The following MTDH variants were observed in gnomAD, a reference collection of about 807,000 sequenced individuals.
MTDH encodes the protein metadherin, also known as protein LYRIC.
MTDH carries 34 observed loss-of-function variants against 72.7 expected under a neutral mutation model. The ratio of observed to expected loss-of-function variants is 0.47; its 90% confidence interval spans 0.36 to 0.62. The LOEUF is 0.62. Among genes scored for constraint, MTDH ranks in the 20% least tolerant of loss-of-function variants. The probability of loss-of-function intolerance (pLI) is 0.00; values close to 1 mark genes in which losing one functional copy is unlikely to be tolerated. For synonymous variants in MTDH, 266 were observed against 268.9 expected (o/e 0.99, Z 0.10); for missense variants, 677 against 699.4 (o/e 0.97, Z 0.36).
chr8:97,644,240 G>A lies in MTDH; in HGVS notation c.-267G>A. The A allele has an allele frequency of 2.1e-6, 1 of 487,770 alleles. No homozygotes were observed. Among genetic ancestry groups the A allele is most frequent in the Non-Finnish European group, 3.6e-6 (1 of 280,960 alleles). 30.2% of individuals were successfully genotyped at this position (487,770 alleles called of 1,614,324 possible). ...CGGGGCCTGGCGCTGGCGCCGAGAC[G>A]CCGCTTAGCGGCCGCCACTGGAGAC... is the stretch of plus-strand genomic sequence containing the variant. On this transcript the variant is annotated 5_prime_UTR_variant, in exon 1 of 12. Transcript: ENST00000336273.
chr8:97,702,971 G>C (rs932028657), intron 7 of MTDH, among the ~76,000 whole-genome samples: 1 of 152,210 alleles, frequency 6.6e-6, no homozygotes, highest in Admixed American at 6.5e-5. Flanking sequence ...GAAAACTTTA[G>C]CGATAAGAAA....
At chr8:97,724,189 T>G (rs1237603006) in intron 11 of MTDH, among the ~76,000 whole-genome samples, 1 of 152,232 alleles carries the variant, frequency 6.6e-6, no homozygotes, top group Non-Finnish European at 1.5e-5. Flanking sequence ...CATGCCTGCC[T>G]GCTTGTCTAT....
chr8:97,678,799 A>ATGGTTGTC (rs1353523439), intron 2 of MTDH, among the ~76,000 whole-genome samples: 2 of 151,938 alleles, frequency 1.3e-5, no homozygotes, highest in Admixed American at 6.6e-5. Context: ...ATAAAGATAA[A>ATGGTTGTC]TGGTTGTCTG....
chr8:97,677,964 A>G (rs1025803163), intron 2 of MTDH, among the ~76,000 whole-genome samples: 1 of 152,228 alleles, frequency 6.6e-6, no homozygotes, highest in Non-Finnish European at 1.5e-5. Context: ...AAAAAACAAT[A>G]TTACAGCCAA....
At chr8:97,679,978 T>C (rs552988317) in intron 2 of MTDH, among the ~76,000 whole-genome samples, 1 of 152,356 alleles carries the variant, frequency 6.6e-6, no homozygotes, top group Non-Finnish European at 1.5e-5. Context: ...TAAGGAATTA[T>C]CAATCTGTCT....
intron 6 of MTDH, among the ~76,000 whole-genome samples, chr8:97,691,687 T>TTGTGTGTGTGTGTGTTTGTG (rs1238487139): frequency 6.7e-6 from 1 of 148,446 alleles, no homozygotes. Context: ...GCAGCTTAAT[T>TTGTGTGTGTGTGTGTTTGTG]TGTGTGTGTG....
At chr8:97,683,647 A>G (rs1427555783) in intron 2 of MTDH, among the ~76,000 whole-genome samples, 1 of 151,564 alleles carries the variant, frequency 6.6e-6, no homozygotes, top group Non-Finnish European at 1.5e-5. Flanking sequence ...TCCCACCTCA[A>G]CCTTCCAAAT....
chr8:97,719,052 A>C lies in MTDH; in HGVS notation c.1384A>C (p.Thr462Pro). ...QGEDNSTAQD[T>P]EELEKEIRED... ...AATAGGTTATTTTTCTCTATAGGAC[A>C]CAGAAGAATTAGAAAAAGAGATTAG... The change falls in exon 10 of 12, where the codon ACA (threonine) becomes CCA (proline). Residue 462 changes from threonine (T) to proline (P), a missense_variant. Coordinates refer to ENST00000336273, the MANE Select transcript of MTDH (RefSeq NM_178812.4). 1.2e-6 allele frequency: 2 copies of C among 1,600,460 alleles called. No individual in the cohort carries two copies. The highest frequency in any genetic ancestry group is 2.2e-5 in the East Asian group (1 of 44,810).
chr8:97,719,151 A>G lies in MTDH; in HGVS notation c.1483A>G (p.Thr495Ala). ...AGCTTTTTCCTTGAAGACCATAAGC[A>G]CTAGTGATCCAGCCGAAGTACTCGT... ...EKAFSLKTIS[T>A]SDPAEVLVKN... Residue 495 changes from threonine to alanine, a missense_variant, in exon 10 of 12, where the codon ACT becomes GCT. Physicochemically the swap from Thr to Ala is moderately conservative, Grantham distance 58. Around this residue, in one of 3 missense-constraint regions of MTDH, gnomAD observed 201 missense variants for 204.5 expected, o/e 0.98. Transcript: ENST00000336273. 6.2e-7 allele frequency: 1 copy of G among 1,613,808 alleles called. No homozygotes were observed. Among genetic ancestry groups the G allele is most frequent in the Non-Finnish European group, 8.5e-7 (1 of 1,179,950 alleles).
At chr8:97,689,892 A>G (rs1813518172) in intron 5 of MTDH, among the ~76,000 whole-genome samples, 1 of 151,702 alleles carries the variant, frequency 6.6e-6, no homozygotes, top group Admixed American at 6.6e-5. Flanking sequence ...ATTTTTTAGT[A>G]GAGATGGGGT....
intron 8 of MTDH, among the ~76,000 whole-genome samples, chr8:97,712,815 G>T (rs1814690534): frequency 6.6e-6 from 1 of 152,098 alleles, no homozygotes; most frequent in Admixed American, 6.5e-5. Flanking sequence ...TTTGGCATCT[G>T]TGCATGTTCT....
chr8:97,677,565 A>G (rs1185368750), intron 2 of MTDH, among the ~76,000 whole-genome samples: 1 of 152,140 alleles, frequency 6.6e-6, no homozygotes, highest in Admixed American at 6.6e-5. Flanking sequence ...GAACTCTATC[A>G]GCTACATCAC....
Position 97,729,262 on chromosome 8 carries a change from G to A in MTDH, c.*4592G>A, listed in dbSNP as rs1815469406. On this transcript the variant is annotated 3_prime_UTR_variant, in exon 12 of 12. Transcript: ENST00000336273. Reference sequence around the variant, plus strand: ...TTTCAGTTCTTACTTGAAGACAGCTGCTCTAGCTAGAAACTTCCTATCGGC... The same window carrying A: ...TTTCAGTTCTTACTTGAAGACAGCTACTCTAGCTAGAAACTTCCTATCGGC... Among the ~76,000 whole-genome samples, 1 of 151,978 alleles carries A rather than the reference G, an allele frequency of 6.6e-6. No homozygotes were observed. Among genetic ancestry groups the A allele is most frequent in the Admixed American group, 6.6e-5 (1 of 15,214 alleles).
chr8:97,689,438 G>A (rs560522805), intron 5 of MTDH, among the ~76,000 whole-genome samples: 4 of 150,116 alleles, frequency 2.7e-5, no homozygotes, highest in Non-Finnish European at 4.4e-5. Flanking sequence ...AGCATATATC[G>A]GATAAAATAC....
intron 2 of MTDH, among the ~76,000 whole-genome samples, chr8:97,685,543 C>G (rs1423208759): frequency 6.6e-6 from 1 of 151,810 alleles, no homozygotes; most frequent in Admixed American, 6.6e-5. Context: ...GGGCAGAGCA[C>G]AAGGTCAGGA....
At chr8:97,646,174 T>G (rs1468476104) in intron 1 of MTDH, among the ~76,000 whole-genome samples, 5 of 152,182 alleles carry the variant, frequency 3.3e-5, no homozygotes, top group Admixed American at 2.6e-4. Context: ...AACAAGAGTT[T>G]TGTTGGTAAC....
rs1788625878 is a variant in MTDH at position 97,713,717 on chromosome 8, A to G, written c.1328A>G (p.Lys443Arg). 5.0e-6 allele frequency: 8 copies of G among 1,608,956 alleles called. No homozygotes were observed. The highest frequency in any genetic ancestry group is 6.8e-6 in the Non-Finnish European group (8 of 1,178,016). ...GEGALPTGKS[K>R]KKKKKKKKQG... Reference sequence around the variant, plus strand: ...GGAGCTCTTCCAACTGGGAAATCCAAAAAGAAAAAAAAGAAAAAGAAGAAG... The same window carrying G: ...GGAGCTCTTCCAACTGGGAAATCCAGAAAGAAAAAAAAGAAAAAGAAGAAG... The change falls in exon 9 of 12, where the codon AAA becomes AGA. Residue 443 changes from lysine (K) to arginine (R), a missense_variant. This residue lies in a region of MTDH where 201 missense variants were observed against 204.5 expected (regional missense o/e 0.98). Coordinates refer to ENST00000336273, the MANE Select transcript of MTDH (RefSeq NM_178812.4).
Position 97,690,989 on chromosome 8 carries a change from A to C in MTDH, c.849A>C (p.Gly283=). Residue 283 remains glycine (G), a synonymous_variant, in exon 6 of 12, where the codon GGA becomes GGC. Coordinates refer to ENST00000336273, the MANE Select transcript of MTDH (RefSeq NM_178812.4). Reference sequence around the variant, plus strand: ...TGAATGAAAACCTCACTGTCAATGGAGGAGGCTGGAATGAAAAGTCTGTAA... The same window carrying C: ...TGAATGAAAACCTCACTGTCAATGGCGGAGGCTGGAATGAAAAGTCTGTAA... The part of the protein sequence containing the change: ...SGLNENLTVN[G]GGWNEKSVKL... 6.2e-7 allele frequency: 1 copy of C among 1,613,814 alleles called. No individual in the cohort carries two copies.
intron 2 of MTDH, among the ~76,000 whole-genome samples, chr8:97,663,841 G>A (rs1288258952): frequency 6.6e-6 from 1 of 151,876 alleles, no homozygotes; most frequent in Non-Finnish European, 1.5e-5. Context: ...TGAGGTGGTA[G>A]TATTATATCC....
Sources: gnomAD v4.1 joint callset for allele counts (sites outside exome capture counted in the v4.1 genomes callset) on GRCh38, gnomAD v4.1.1 for gene constraint, gnomAD v4.1.1 regional missense constraint, MANE v1.5 for transcripts, NCBI Gene and HGNC (gene_info 2026-07-23, HGNC 2026-07-21) for gene names.